ST8SIA6: variants seen among roughly 807,000 people sequenced by gnomAD.
ST8SIA6 encodes alpha-2,8-sialyltransferase 8F.
A neutral mutation model predicts 33.6 loss-of-function variants in ST8SIA6; 39 were observed. The observed-to-expected ratio is 1.16, with a 90% CI of 0.90 to 1.52. ST8SIA6 has a LOEUF of 1.52. Among genes scored for constraint, ST8SIA6 ranks in the 40% most tolerant of loss-of-function variants. The pLI is 0.00. For synonymous variants in ST8SIA6, 172 were observed against 167.2 expected, an observed-to-expected ratio of 1.03 and a Z score of -0.22; for missense variants, 441 against 443.8, an observed-to-expected ratio of 0.99 and a Z score of 0.06.
chr10:17,382,614 A>G (rs1211769356), intron 3 of ST8SIA6, among the ~76,000 whole-genome samples: 1 of 152,206 alleles, frequency 6.6e-6, no homozygotes, highest in Non-Finnish European at 1.5e-5. Context: ...ACAGGGCTTT[A>G]ACTCCTGGGT....
chr10:17,333,307 C>T (rs956768314), intron 4 of ST8SIA6, among the ~76,000 whole-genome samples: 3 of 152,042 alleles, frequency 2.0e-5, no homozygotes, highest in Admixed American at 6.6e-5. Flanking sequence ...GTGAAAACAG[C>T]CATACTGCCC....
At chr10:17,394,099 C>T (rs570996424) in intron 2 of ST8SIA6, among the ~76,000 whole-genome samples, 1 of 152,098 alleles carries the variant, frequency 6.6e-6, no homozygotes, top group Admixed American at 6.5e-5. Context: ...CAGTAGGCAC[C>T]AATAGGATTG....
At chr10:17,437,464 G>A (rs1043471226) in intron 2 of ST8SIA6, among the ~76,000 whole-genome samples, 5 of 152,154 alleles carry the variant, frequency 3.3e-5, no homozygotes, top group Admixed American at 2.0e-4. Flanking sequence ...AAGCCACCAT[G>A]CCTGGACAAT....
At chr10:17,430,062 T>C (rs1852056367) in intron 2 of ST8SIA6, among the ~76,000 whole-genome samples, 1 of 152,162 alleles carries the variant, frequency 6.6e-6, no homozygotes. Flanking sequence ...CATCTTCCCC[T>C]TTCTGAGTCT....
intron 4 of ST8SIA6, among the ~76,000 whole-genome samples, chr10:17,334,430 T>C (rs1848438815): frequency 6.6e-6 from 1 of 151,532 alleles, no homozygotes; most frequent in African/African-American, 2.4e-5. Flanking sequence ...TCCCAGCTAG[T>C]TGGGAGGCTG....
At chr10:17,337,754 A>G (rs1316214004) in intron 4 of ST8SIA6, among the ~76,000 whole-genome samples, 53 of 149,776 alleles carry the variant, frequency 3.5e-4, no homozygotes, top group Admixed American at 3.5e-3. Context: ...TCTAAAGTCA[A>G]CTAGACATGT....
At chr10:17,427,872 T>C (rs1474225051) in intron 2 of ST8SIA6, among the ~76,000 whole-genome samples, 2 of 152,218 alleles carry the variant, frequency 1.3e-5, no homozygotes, top group East Asian at 3.9e-4. Flanking sequence ...CTATCAGAAA[T>C]GGCCAGGTAT....
In ST8SIA6 at chr10:17,319,275, AAAG is replaced by A. The variant is rs1354217346; in HGVS notation, c.*1600_*1602del. Among the ~76,000 whole-genome samples, 4 of 152,210 alleles carry A rather than the reference AAAG, an allele frequency of 2.6e-5. No homozygotes were observed. Among genetic ancestry groups the A allele is most frequent in the Non-Finnish European group, 4.4e-5 (3 of 68,032 alleles). On this transcript the variant is annotated 3_prime_UTR_variant, in exon 8 of 8. Transcript: ENST00000377602. ...AAGTTTTTCACCAAGATCAAAATAA[AAAG>A]AAAAACTATGAACACTATTTTGCAG...
intron 2 of ST8SIA6, among the ~76,000 whole-genome samples, chr10:17,419,982 T>C (rs1851730114): frequency 6.6e-6 from 1 of 152,240 alleles, no homozygotes; most frequent in East Asian, 1.9e-4. Flanking sequence ...TTAAAAAATA[T>C]TACAACCTGG....
chr10:17,323,366 A>C (rs1848024491), intron 6 of ST8SIA6, among the ~76,000 whole-genome samples: 1 of 140,484 alleles, frequency 7.1e-6, no homozygotes, highest in Admixed American at 7.1e-5. Flanking sequence ...CTTAGTTGAC[A>C]TTTCAATGTT....
At chr10:17,391,302 G>A (rs868393830) in intron 2 of ST8SIA6, among the ~76,000 whole-genome samples, 35 of 151,112 alleles carry the variant, frequency 2.3e-4, no homozygotes, top group African/African-American at 6.3e-4. Flanking sequence ...TTGCTCTGTC[G>A]CCCAGGCTGG....
rs530135447 is a variant in ST8SIA6, at chr10:17,427,793, A to C, written c.200+25766T>G. ...TCAGTCTCACAGAGGCAATCATTGG[A>C]CACTTGCCTGTTGATAAGGCGATGC... On this transcript the variant is annotated intron_variant, in intron 2 of 7. Transcript: ENST00000377602. Among the ~76,000 whole-genome samples the C allele has an allele frequency of 5.3e-5, 8 of 152,372 alleles. No individual in the cohort carries two copies. The South Asian group carries it at 1.7e-3, about 32-fold the overall frequency.
intron 4 of ST8SIA6, among the ~76,000 whole-genome samples, chr10:17,333,700 T>G (rs1473237929): frequency 4.4e-4 from 12 of 27,248 alleles, no homozygotes; most frequent in South Asian, 2.9e-3. Context: ...TATATATATA[T>G]ATATATATAT....
rs200826980 is a variant in ST8SIA6, at chr10:17,368,407, C to CAAAAAAAAAAAA, written c.291-8819_291-8808dup. Among the ~76,000 whole-genome samples the CAAAAAAAAAAAA allele has an allele frequency of 5.7e-3, 415 of 72,174 alleles. 30 individuals are homozygous for CAAAAAAAAAAAA. Among genetic ancestry groups the CAAAAAAAAAAAA allele is most frequent in the Non-Finnish European group, 0.01 (347 of 33,944 alleles). 47.3% of individuals were successfully genotyped at this position (72,174 alleles called of 152,430 possible). ...GGGCAACAAGAGTGAAGCTCTGTCT[C>CAAAAAAAAAAAA]AAAAAAAAAAAAAAAAAAAAAAAAA... On this transcript the variant is annotated intron_variant, in intron 3 of 7. Transcript: ENST00000377602.
At position 17,320,597 on chromosome 10, in the gene ST8SIA6, C is replaced by A; in HGVS notation, c.*281G>T. The A allele has an allele frequency of 2.6e-6, 1 of 380,622 alleles. No individual in the cohort carries two copies. Among genetic ancestry groups the A allele is most frequent in the Non-Finnish European group, 4.8e-6 (1 of 210,418 alleles). 23.6% of individuals were successfully genotyped at this position (380,622 alleles called of 1,614,324 possible). A position where few individuals can be genotyped will look rare whatever the true frequency, so the allele number is the denominator to read the frequency against. ...GTATAAATAGTAAGAAAGAAATATTCTTTGAGTCCCTACCTCACACCAAAG... is the reference window on the plus strand; with the variant it reads ...GTATAAATAGTAAGAAAGAAATATTATTTGAGTCCCTACCTCACACCAAAG... On this transcript the variant is annotated 3_prime_UTR_variant, in exon 8 of 8. Transcript: ENST00000377602.
At chr10:17,322,427 G>A (rs1319578587) in intron 7 of ST8SIA6, among the ~76,000 whole-genome samples, 3 of 151,994 alleles carry the variant, frequency 2.0e-5, no homozygotes, top group East Asian at 1.9e-4. Flanking sequence ...AAGTATAATC[G>A]TGAGTGTTTA....
chr10:17,398,631 A>G (rs1850917455), intron 2 of ST8SIA6, among the ~76,000 whole-genome samples: 1 of 152,240 alleles, frequency 6.6e-6, no homozygotes, highest in Non-Finnish European at 1.5e-5. Context: ...TTGTGAATTT[A>G]AATGTAAAGC....
At chr10:17,408,197 C>A (rs528131166) in intron 2 of ST8SIA6, 1 of 152,556 alleles carries the variant, frequency 6.6e-6, no homozygotes, top group South Asian at 2.1e-4. Context: ...AACTGGATGA[C>A]GACCGAAGAA....
intron 2 of ST8SIA6, among the ~76,000 whole-genome samples, chr10:17,404,348 A>C (rs1446616830): frequency 6.6e-6 from 1 of 152,008 alleles, no homozygotes. Flanking sequence ...CATAGGGGAA[A>C]ATTTGCCCTT....
Sources: allele counts gnomAD v4.1 joint callset (sites outside exome capture counted in the v4.1 genomes callset), GRCh38; gene constraint gnomAD v4.1.1; transcripts MANE v1.5; gene names NCBI Gene and HGNC (gene_info 2026-07-23, HGNC 2026-07-21).